Variants in NEK5 observed in about 807,000 individuals in gnomAD.
The protein encoded by NEK5 is serine/threonine-protein kinase Nek5.
NEK5 carries 88 observed loss-of-function variants against 109.2 expected under a neutral mutation model. The ratio of observed to expected loss-of-function variants is 0.81; its 90% CI spans 0.68 to 0.96. NEK5 has a LOEUF of 0.96. Among genes scored for constraint, NEK5 ranks in the 40% least tolerant of loss-of-function variants. The pLI, the probability that NEK5 is intolerant of heterozygous loss-of-function variation, is 0.00. For missense variants in NEK5, 834 were observed against 920.7 expected, an observed-to-expected ratio of 0.91 and a Z score of 1.22; for synonymous variants, 283 against 299.9, an observed-to-expected ratio of 0.94 and a Z score of 0.58.
intron 9 of NEK5, among the ~76,000 whole-genome samples, chr13:52,104,048 C>T (rs1253765617): frequency 6.6e-6 from 1 of 152,150 alleles, no homozygotes; most frequent in Non-Finnish European, 1.5e-5. Context: ...CAGCCTCTGC[C>T]TCCTGGGTTC....
intron 22 of NEK5, among the ~76,000 whole-genome samples, chr13:52,061,466 T>G (rs1954614177): frequency 6.6e-6 from 1 of 152,232 alleles, no homozygotes; most frequent in Admixed American, 6.5e-5. Context: ...GTATTTTTAT[T>G]GTCCATGGGA....
intron 23 of NEK5, among the ~76,000 whole-genome samples, chr13:52,046,481 T>TA (rs201537093): frequency 0.11 from 14,392 of 135,256 alleles, 665 homozygotes; most frequent in Middle Eastern, 0.13. Flanking sequence ...CCTGTATGTT[T>TA]AAAAAAAAAA....
chr13:52,072,147 A>C, intron 19 of NEK5, 77 bp from the exon 20 acceptor site: 1 of 1,179,194 alleles, frequency 8.5e-7, no homozygotes, highest in South Asian at 1.4e-5. Context: ...TCGTGTTCCT[A>C]GTAAAATTAA....
At chr13:52,065,750 T>C (rs1954679962) in intron 20 of NEK5, 141 bp from the exon 21 acceptor site, 1 of 620,254 alleles carries the variant, frequency 1.6e-6, no homozygotes, top group East Asian at 2.7e-5. Context: ...TTCTAACAGA[T>C]ATAAGACTGA....
At chr13:52,127,935 G>T (rs1956100122) in intron 1 of NEK5, among the ~76,000 whole-genome samples, 1 of 152,130 alleles carries the variant, frequency 6.6e-6, no homozygotes. Flanking sequence ...CCCCTAGGGG[G>T]AATTCTGGAA....
chr13:52,108,165 T>C (rs952961700), intron 8 of NEK5, among the ~76,000 whole-genome samples, 153 bp downstream of exon 8: 1 of 152,100 alleles, frequency 6.6e-6, no homozygotes, highest in African/African-American at 2.4e-5. Flanking sequence ...AACCCTCAGT[T>C]TGGTCCAGAA....
intron 3 of NEK5, among the ~76,000 whole-genome samples, chr13:52,127,076 G>C (rs1956077190): frequency 6.6e-6 from 1 of 152,068 alleles, no homozygotes; most frequent in Non-Finnish European, 1.5e-5. Flanking sequence ...GCAGGGACAG[G>C]GTCTTGCTAT....
chr13:52,068,064 A>G (rs956217577), intron 20 of NEK5, among the ~76,000 whole-genome samples: 1 of 152,108 alleles, frequency 6.6e-6, no homozygotes. Flanking sequence ...CTAGGAGAAC[A>G]GGGTGGAGCT....
At chr13:52,065,316 C>A in intron 21 of NEK5, 168 bp downstream of exon 21, 1 of 933,760 alleles carries the variant, frequency 1.1e-6, no homozygotes. Flanking sequence ...AATTAGCAGG[C>A]AAGTCTCTTT....
rs1172030985 is a variant in NEK5, at chr13:52,093,155, C to T, written c.1107G>A (p.Arg369=). 2 of 1,613,122 alleles carry T rather than the reference C, an allele frequency of 1.2e-6. No homozygotes were observed. The highest frequency in any genetic ancestry group is 1.1e-5 in the South Asian group (1 of 91,058). Residue 369 remains arginine, a synonymous_variant, in exon 13 of 24, where the codon AGG becomes AGA. Transcript: ENST00000684899. ...DYYYAQLDML[R]RRAHKPSYHP... ...GATAACTTGGTTTGTGGGCTCTCCT[C>T]CTCAGCATATCAAGTTGAGCATAAT...
intron 12 of NEK5, 81 bp downstream of exon 12, chr13:52,099,662 C>A (rs1422515483): frequency 1.4e-6 from 2 of 1,456,392 alleles, no homozygotes; most frequent in Non-Finnish European, 1.9e-6. Flanking sequence ...GAGCGAGACT[C>A]CGTCTCAAAA....
chr13:52,118,894 T>G (rs1454506005), intron 4 of NEK5, among the ~76,000 whole-genome samples: 2 of 152,180 alleles, frequency 1.3e-5, no homozygotes, highest in Non-Finnish European at 2.9e-5. Flanking sequence ...TTTTCCCCTC[T>G]TCTCTTGCTT....
chr13:52,107,728 T>A (rs1326018051), intron 8 of NEK5, among the ~76,000 whole-genome samples: 1 of 151,942 alleles, frequency 6.6e-6, no homozygotes, highest in Non-Finnish European at 1.5e-5. Flanking sequence ...ACAAGGAGCC[T>A]TTTAAGATTA....
chr13:52,095,599 G>C (rs1000312272), intron 12 of NEK5, among the ~76,000 whole-genome samples: 2 of 152,152 alleles, frequency 1.3e-5, no homozygotes, highest in Non-Finnish European at 2.9e-5. Flanking sequence ...ATAAAATTAA[G>C]CCCTTAGGCT....
At chr13:52,045,827 C>A (rs1593915590) in intron 23 of NEK5, among the ~76,000 whole-genome samples, 1 of 146,268 alleles carries the variant, frequency 6.8e-6, no homozygotes, top group African/African-American at 2.5e-5. Context: ...AATCCCAGCA[C>A]TTTGGGAGGC....
At chr13:52,038,331 C>T (rs1954383532) in intron 23 of NEK5, among the ~76,000 whole-genome samples, 3 of 151,460 alleles carry the variant, frequency 2.0e-5, no homozygotes, top group African/African-American at 7.3e-5. Flanking sequence ...CAAAACAAAA[C>T]GGAACAAAAA....
At chr13:52,052,121 C>T (rs1277045678) in intron 22 of NEK5, among the ~76,000 whole-genome samples, 1 of 123,560 alleles carries the variant, frequency 8.1e-6, no homozygotes, top group Non-Finnish European at 1.7e-5. Context: ...TGCTTCAAGT[C>T]GCCCCTCTTT....
chr13:52,065,703 G>T, intron 20 of NEK5, 94 bp from the exon 21 acceptor site: 1 of 846,496 alleles, frequency 1.2e-6, no homozygotes, highest in Non-Finnish European at 1.9e-6. Context: ...CAGTTTATCA[G>T]CAGGTATGTT....
chr13:52,087,570 T>G, intron 14 of NEK5, 116 bp from the exon 15 acceptor site: 1 of 551,176 alleles, frequency 1.8e-6, no homozygotes, highest in Non-Finnish European at 3.2e-6. Context: ...ACTCAGTATT[T>G]GGGAGTTTTT....
Sources: allele counts gnomAD v4.1 joint callset (sites outside exome capture counted in the v4.1 genomes callset), GRCh38; gene constraint gnomAD v4.1.1; transcripts MANE v1.5; gene names NCBI Gene and HGNC (gene_info 2026-07-23, HGNC 2026-07-21).